SLC44A5: variants seen among roughly 807,000 people sequenced by gnomAD.
SLC44A5 encodes the protein choline transporter-like protein 5.
In SLC44A5, 57 loss-of-function variants were observed where a neutral mutation model predicts 101.8. That is an observed-to-expected ratio of 0.56 (90% CI 0.45 to 0.70). The LOEUF is 0.70. Ranked by LOEUF, SLC44A5 falls within the 30% of genes least tolerant of loss-of-function variation. SLC44A5 has a pLI of 0.00. For missense variants in SLC44A5, 737 were observed against 853.1 expected (o/e 0.86, Z 1.70); for synonymous variants, 281 against 290.9 (o/e 0.97, Z 0.35).
the SLC44A5 span, among the ~76,000 whole-genome samples, chr1:75,679,867 C>A: frequency 3.3e-5 from 5 of 152,126 alleles, no homozygotes; most frequent in Admixed American, 6.5e-5. Context: ...TCAGGAAACC[C>A]ATCTCACGTG....
chr1:75,354,665 T>C (rs1658939000), intron 3 of SLC44A5, among the ~76,000 whole-genome samples: 1 of 152,156 alleles, frequency 6.6e-6, no homozygotes, highest in African/African-American at 2.4e-5. Flanking sequence ...CCCCACGACC[T>C]GGTGTTGGGT....
At chr1:75,635,744 A>T in the SLC44A5 span, among the ~76,000 whole-genome samples, 1 of 151,882 alleles carries the variant, frequency 6.6e-6, no homozygotes, top group South Asian at 2.1e-4. Context: ...CCAGCATGGC[A>T]CATGTATACA....
chr1:75,401,505 A>T (rs1012406472), intron 2 of SLC44A5, among the ~76,000 whole-genome samples: 4 of 152,220 alleles, frequency 2.6e-5, no homozygotes, highest in African/African-American at 9.6e-5. Flanking sequence ...GATGGTTGGC[A>T]GCCTCAGCAA....
intron 2 of SLC44A5, among the ~76,000 whole-genome samples, chr1:75,521,366 G>A (rs1327632742): frequency 2.6e-5 from 4 of 152,090 alleles, no homozygotes; most frequent in African/African-American, 9.7e-5. Context: ...AGGCGTCAAG[G>A]ATCTTCTGTC....
At chr1:75,643,327 T>C in the SLC44A5 span, among the ~76,000 whole-genome samples, 1 of 152,166 alleles carries the variant, frequency 6.6e-6, no homozygotes, top group Non-Finnish European at 1.5e-5. Context: ...CCCCAGACTA[T>C]TGTTAAACTA....
intron 1 of SLC44A5, among the ~76,000 whole-genome samples, chr1:75,585,385 A>G (rs1172677600): frequency 6.6e-6 from 1 of 152,244 alleles, no homozygotes; most frequent in Admixed American, 6.5e-5. Flanking sequence ...GTTTTATACT[A>G]TATCAAAAAC....
chr1:75,700,072 C>T, the SLC44A5 span, among the ~76,000 whole-genome samples: 3,141 of 152,108 alleles, frequency 0.021, 109 homozygotes, highest in African/African-American at 0.072. Context: ...CTTTAACACC[C>T]CGCTGTCAAC....
chr1:75,424,322 T>C (rs557993794), intron 2 of SLC44A5, among the ~76,000 whole-genome samples: 1 of 152,340 alleles, frequency 6.6e-6, no homozygotes, highest in Admixed American at 6.5e-5. Context: ...GTTTTGTTTT[T>C]TGAGATGGAG....
chr1:75,635,340 C>T, the SLC44A5 span, among the ~76,000 whole-genome samples: 2 of 151,920 alleles, frequency 1.3e-5, no homozygotes, highest in African/African-American at 4.8e-5. Context: ...AATCATGATG[C>T]TATAAAGACA....
At chr1:75,504,030 AT>A (rs1210501220) in intron 2 of SLC44A5, among the ~76,000 whole-genome samples, 1 of 151,928 alleles carries the variant, frequency 6.6e-6, no homozygotes, top group African/African-American at 2.4e-5. Context: ...AATCTTTATC[AT>A]TTTTTCCACT....
At chr1:75,359,121 T>C (rs1332064178) in intron 3 of SLC44A5, among the ~76,000 whole-genome samples, 2 of 152,092 alleles carry the variant, frequency 1.3e-5, no homozygotes, top group African/African-American at 4.8e-5. Context: ...ATATTTCACT[T>C]ATAATGCCCT....
intron 5 of SLC44A5, among the ~76,000 whole-genome samples, chr1:75,280,157 T>A (rs370371392): frequency 0.65 from 166 of 254 alleles, 70 homozygotes; most frequent in Non-Finnish European, 0.64. Context: ...TTGTATATAT[T>A]ATATATTGTA....
chr1:75,642,474 T>G, the SLC44A5 span, among the ~76,000 whole-genome samples: 1 of 152,076 alleles, frequency 6.6e-6, no homozygotes, highest in Non-Finnish European at 1.5e-5. Flanking sequence ...GAAGTGTTCG[T>G]CAAGATTTGT....
the SLC44A5 span, among the ~76,000 whole-genome samples, chr1:75,716,025 GAA>G: frequency 6.6e-6 from 1 of 152,146 alleles, no homozygotes; most frequent in Non-Finnish European, 1.5e-5. Context: ...CTTTTGAAAA[GAA>G]GAGAGACACG....
At chr1:75,525,400 C>T (rs1488134211) in intron 2 of SLC44A5, among the ~76,000 whole-genome samples, 1 of 152,032 alleles carries the variant, frequency 6.6e-6, no homozygotes, top group Admixed American at 6.6e-5. Context: ...TCTAATTAAG[C>T]CATTAGACCC....
At chr1:75,569,945 T>C (rs1190027519) in intron 1 of SLC44A5, among the ~76,000 whole-genome samples, 2 of 152,206 alleles carry the variant, frequency 1.3e-5, no homozygotes, top group Admixed American at 1.3e-4. Flanking sequence ...AAGGGCTCAC[T>C]ATCAACAGAT....
At chr1:75,599,818 G>T (rs116360393) in intron 1 of SLC44A5, among the ~76,000 whole-genome samples, 7 of 152,230 alleles carry the variant, frequency 4.6e-5, no homozygotes, top group Non-Finnish European at 7.4e-5. Context: ...GAATTAGGGT[G>T]AATGTGGGAA....
intron 23 of SLC44A5, 111 bp from the exon 24 acceptor site, chr1:75,203,944 T>TTA: frequency 1.5e-6 from 2 of 1,313,350 alleles, no homozygotes; most frequent in Middle Eastern, 2.7e-4. Flanking sequence ...TTTGTTGTTT[T>TTA]TTTTTTGTTG....
chr1:75,625,015 C>T, the SLC44A5 span, among the ~76,000 whole-genome samples: 1 of 152,152 alleles, frequency 6.6e-6, no homozygotes, highest in East Asian at 1.9e-4. Flanking sequence ...TCAGAGACTT[C>T]CAACCTCTCA....
Sources: gnomAD v4.1 joint callset for allele counts (sites outside exome capture counted in the v4.1 genomes callset) on GRCh38, gnomAD v4.1.1 for gene constraint, MANE v1.5 for transcripts, NCBI Gene and HGNC (gene_info 2026-07-23, HGNC 2026-07-21) for gene names.